The following ADGRG7 variants were observed in gnomAD, a reference collection of about 807,000 sequenced individuals.
The protein encoded by ADGRG7 is adhesion G protein-coupled receptor G7.
In ADGRG7, 82 loss-of-function variants were observed where a neutral mutation model predicts 88.6. The observed-to-expected ratio is 0.93, with a 90% CI of 0.77 to 1.11. The LOEUF (loss-of-function observed/expected upper bound fraction) is 1.11, where lower values mean the gene tolerates loss of function less well. Among genes scored for constraint, ADGRG7 ranks in the 50% most tolerant of loss-of-function variants. ADGRG7 has a pLI of 0.00. For synonymous variants in ADGRG7, 381 were observed against 345.2 expected, an observed-to-expected ratio of 1.10 and a Z score of -1.15; for missense variants, 945 against 953.4, an observed-to-expected ratio of 0.99 and a Z score of 0.12.
In ADGRG7 at chr3:100,646,685, C is replaced by T; in HGVS notation, c.1227C>T (p.Arg409=). The part of the protein sequence containing the change: ...QKDKGTDGFL[R]CRCNHTTNFA... ...ACAAGGGCACTGATGGATTCCTGCG[C>T]TGCCGCTGCAACCATACTACTAATT... Residue 409 remains arginine, a synonymous_variant, in exon 10 of 16, where the codon CGC becomes CGT. Transcript: ENST00000273352. 6.2e-7 allele frequency: 1 copy of T among 1,614,182 alleles called. No homozygotes were observed. The highest frequency in any genetic ancestry group is 8.5e-7 in the Non-Finnish European group (1 of 1,179,996).
chr3:100,633,203 A>AAAT, intron 3 of ADGRG7, 62 bp from the exon 4 acceptor site: 3 of 805,376 alleles, frequency 3.7e-6, no homozygotes, highest in Non-Finnish European at 5.2e-6. Context: ...TATTGCCTAA[A>AAAT]AATAATAGGC....
intron 14 of ADGRG7, among the ~76,000 whole-genome samples, chr3:100,664,381 C>G (rs1440445897): frequency 6.6e-6 from 1 of 152,120 alleles, no homozygotes; most frequent in Non-Finnish European, 1.5e-5. Flanking sequence ...TTACAACCCA[C>G]CAATTTCTAA....
chr3:100,633,408 G>A (rs768877574), intron 4 of ADGRG7, 31 bp downstream of exon 4: 5 of 1,259,396 alleles, frequency 4.0e-6, no homozygotes, highest in South Asian at 2.8e-5. Context: ...ATGGGCAACT[G>A]GAAGAAGTTC....
At chr3:100,665,684 G>A (rs1011154236) in intron 14 of ADGRG7, among the ~76,000 whole-genome samples, 2 of 152,130 alleles carry the variant, frequency 1.3e-5, no homozygotes, top group Non-Finnish European at 2.9e-5. Flanking sequence ...GAGAGTGGAA[G>A]GAAAAAATAG....
chr3:100,689,784 C>T (rs1270559603), intron 15 of ADGRG7, among the ~76,000 whole-genome samples: 1 of 152,168 alleles, frequency 6.6e-6, no homozygotes, highest in Admixed American at 6.5e-5. Context: ...GTAACCCAAC[C>T]TTTGTCTCTG....
intron 1 of ADGRG7, among the ~76,000 whole-genome samples, chr3:100,622,404 G>A (rs970973107): frequency 2.0e-5 from 3 of 151,360 alleles, no homozygotes; most frequent in African/African-American, 4.9e-5. Context: ...GTCTATTTAT[G>A]GAGTCTCTAT....
At chr3:100,635,523 C>T in intron 4 of ADGRG7, 154 bp from the exon 5 acceptor site, 2 of 1,436,496 alleles carry the variant, frequency 1.4e-6, no homozygotes, top group South Asian at 1.6e-5. Context: ...TTGTCCTTTA[C>T]ACAAGGAAGG....
chr3:100,629,824 TA>T (rs760173258), intron 2 of ADGRG7, 113 bp downstream of exon 2: 2 of 684,466 alleles, frequency 2.9e-6, no homozygotes, highest in Non-Finnish European at 5.1e-6. Flanking sequence ...ACAATGGACA[TA>T]ATGATGATGG....
chr3:100,644,486 A>G (rs1707706908), intron 8 of ADGRG7, among the ~76,000 whole-genome samples: 1 of 152,120 alleles, frequency 6.6e-6, no homozygotes, highest in Non-Finnish European at 1.5e-5. Flanking sequence ...AACAGTACCT[A>G]TGTAACTATC....
At chr3:100,639,371 G>A (rs1707600689) in intron 6 of ADGRG7, among the ~76,000 whole-genome samples, 2 of 152,102 alleles carry the variant, frequency 1.3e-5, no homozygotes, top group African/African-American at 4.8e-5. Context: ...ATTATGACAA[G>A]TACCTACTTA....
At chr3:100,627,331 C>T (rs1050998921) in intron 1 of ADGRG7, among the ~76,000 whole-genome samples, 3 of 152,112 alleles carry the variant, frequency 2.0e-5, no homozygotes, top group Non-Finnish European at 2.9e-5. Flanking sequence ...AAGTTTATCT[C>T]CTTTATTCTA....
At chr3:100,616,718 G>A (rs1171418063) in intron 1 of ADGRG7, among the ~76,000 whole-genome samples, 1 of 152,142 alleles carries the variant, frequency 6.6e-6, no homozygotes, top group African/African-American at 2.4e-5. Context: ...CTACTGGGGA[G>A]ACTGTGGCAG....
chr3:100,676,730 A>T (rs1006533943), intron 15 of ADGRG7, among the ~76,000 whole-genome samples: 1 of 152,020 alleles, frequency 6.6e-6, no homozygotes, highest in African/African-American at 2.4e-5. Flanking sequence ...GTATTAGGGT[A>T]TATATCTCTC....
rs184858793 is a variant in ADGRG7 at position 100,633,389 on chromosome 3, G to A, written c.447+12G>A. 8.2e-6 allele frequency: 12 copies of A among 1,469,230 alleles called. No homozygotes were observed. The East Asian group carries it at 2.6e-4, about 32-fold the overall frequency. 91.0% of individuals were successfully genotyped at this position (1,469,230 alleles called of 1,614,324 possible). On this transcript the variant is annotated intron_variant, in intron 4 of 15. Coordinates refer to ENST00000273352, the MANE Select transcript of ADGRG7 (RefSeq NM_032787.3). ...CCCTGGAAAAGCAGGTATGCCATAT[G>A]ACTCACTGATGGGCAACTGGAAGAA...
intron 15 of ADGRG7, among the ~76,000 whole-genome samples, chr3:100,690,551 G>A (rs550926361): frequency 4.8e-4 from 73 of 152,198 alleles, no homozygotes; most frequent in African/African-American, 1.7e-3. Context: ...TTTTTGGTGT[G>A]GATGTCCTTT....
chr3:100,643,658 T>G lies in ADGRG7; in HGVS notation c.946+25T>G, dbSNP rs188454705. On this transcript the variant is annotated intron_variant, in intron 8 of 15. Coordinates refer to ENST00000273352, the MANE Select transcript of ADGRG7 (RefSeq NM_032787.3). Reference sequence around the variant, plus strand: ...AGTAAGTCTCAAACTTTGTGACATTTAAAAAAATGGACTCGAATTCATGGA... The same window carrying G: ...AGTAAGTCTCAAACTTTGTGACATTGAAAAAAATGGACTCGAATTCATGGA... The G allele has an allele frequency of 2.7e-5, 40 of 1,476,312 alleles. No individual in the cohort carries two copies. In the Admixed American group the frequency reaches 5.7e-4, roughly 21 times the overall value. 91.5% of individuals were successfully genotyped at this position (1,476,312 alleles called of 1,614,324 possible). A position where few individuals can be genotyped will look rare whatever the true frequency, so the allele number is the denominator to read the frequency against.
At position 100,687,743 on chromosome 3, in the gene ADGRG7, G is replaced by T. The variant is rs188473377; in HGVS notation, c.2137-7001G>T. ...GGATGAAGCCCACTTGATCATGGTG[G>T]ATAAGCTTTCTGATGTGCTGCTGGA... On this transcript the variant is annotated intron_variant, in intron 15 of 15. Transcript: ENST00000273352. 4.8e-3 allele frequency among the ~76,000 whole-genome samples: 725 copies of T among 152,314 alleles called. 7 individuals are homozygous for T. Among genetic ancestry groups the T allele is most frequent in the Middle Eastern group, 0.02 (6 of 294 alleles).
chr3:100,666,438 T>C (rs2094951852), intron 14 of ADGRG7, among the ~76,000 whole-genome samples: 1 of 152,182 alleles, frequency 6.6e-6, no homozygotes, highest in African/African-American at 2.4e-5. Context: ...GGTAAAGGAT[T>C]AAGTGCTGTG....
intron 15 of ADGRG7, among the ~76,000 whole-genome samples, chr3:100,690,587 GT>G (rs2094991544): frequency 6.6e-6 from 1 of 152,100 alleles, no homozygotes; most frequent in Non-Finnish European, 1.5e-5. Context: ...CCTTCTAACA[GT>G]CAGGACCCTC....
Sources: gnomAD v4.1 joint callset for allele counts (sites outside exome capture counted in the v4.1 genomes callset) on GRCh38, gnomAD v4.1.1 for gene constraint, MANE v1.5 for transcripts, NCBI Gene and HGNC (gene_info 2026-07-23, HGNC 2026-07-21) for gene names.